ENTPD1: variants seen among roughly 807,000 people sequenced by gnomAD.
The protein encoded by ENTPD1 is ectonucleoside triphosphate diphosphohydrolase 1.
In ENTPD1, 33 loss-of-function variants were observed where a neutral mutation model predicts 57.0. The observed-to-expected ratio is 0.58, with a 90% CI of 0.44 to 0.77. ENTPD1 has a LOEUF of 0.77. Among genes scored for constraint, ENTPD1 ranks in the 30% least tolerant of loss-of-function variants. The probability of loss-of-function intolerance (pLI) is 0.00; values close to 1 mark genes in which losing one functional copy is unlikely to be tolerated. For missense variants in ENTPD1, 501 were observed against 603.4 expected (o/e 0.83, Z 1.78); for synonymous variants, 202 against 218.8 (o/e 0.92, Z 0.68).
intron 1 of ENTPD1, among the ~76,000 whole-genome samples, chr10:95,728,477 A>G (rs572140010): frequency 6.6e-6 from 1 of 152,222 alleles, no homozygotes; most frequent in Non-Finnish European, 1.5e-5. Context: ...TATGGTACAT[A>G]TCAAGCAATT....
At chr10:95,695,419 T>G in the ENTPD1 span, among the ~76,000 whole-genome samples, 1 of 152,222 alleles carries the variant, frequency 6.6e-6, no homozygotes, top group African/African-American at 2.4e-5. Flanking sequence ...TCTAGTACAC[T>G]TACCTAAAAT....
At chr10:95,802,904 A>C (rs887395607) in intron 1 of ENTPD1, among the ~76,000 whole-genome samples, 1 of 152,156 alleles carries the variant, frequency 6.6e-6, no homozygotes. Context: ...ATAGTGCCGC[A>C]ATAAACATAC....
In ENTPD1 at chr10:95,736,007, T is replaced by TTG. The variant is rs1198975898; in HGVS notation, c.37+24015_37+24016insGT. 3.9e-4 allele frequency among the ~76,000 whole-genome samples: 59 copies of TTG among 150,412 alleles called. 1 individual carries two copies. The highest frequency in any genetic ancestry group is 5.3e-4 in the Non-Finnish European group (36 of 67,354). ...ATTTTAGAACATTTTCAAAGTTTTT[T>TTG]TTTTTTTTTTTGAGACAGAGTCTCA... On this transcript the variant is annotated intron_variant, in intron 1 of 9. Transcript: ENST00000453258.
At chr10:95,856,399 T>C (rs970370139) in intron 7 of ENTPD1, among the ~76,000 whole-genome samples, 2 of 152,134 alleles carry the variant, frequency 1.3e-5, no homozygotes, top group South Asian at 2.1e-4. Flanking sequence ...CTGGTGGGAA[T>C]GTAAACCAGT....
intron 6 of ENTPD1, among the ~76,000 whole-genome samples, chr10:95,846,924 G>A (rs1486887898): frequency 2.6e-5 from 4 of 152,054 alleles, no homozygotes; most frequent in African/African-American, 4.8e-5. Context: ...GGGAGGCTGA[G>A]GTTGCAGTGA....
chr10:95,836,473 T>C (rs569274985), intron 2 of ENTPD1, among the ~76,000 whole-genome samples: 4 of 152,234 alleles, frequency 2.6e-5, no homozygotes, highest in Non-Finnish European at 5.9e-5. Context: ...ATAAGTGATA[T>C]TTAAGAAACT....
chr10:95,775,155 T>G (rs1388803288), intron 1 of ENTPD1, among the ~76,000 whole-genome samples: 1 of 152,194 alleles, frequency 6.6e-6, no homozygotes, highest in African/African-American at 2.4e-5. Context: ...TAAGAATGCT[T>G]GTGATTTTCG....
In ENTPD1 at chr10:95,845,512, C is replaced by T; in HGVS notation, c.729C>T (p.Gly243=). ...PDNALQFRLY[G]KDYNVYTHSF... ...ATGCTCTGCAATTTCGCCTCTATGG[C>T]AAGGACTACAATGTCTACACACATA... Residue 243 remains glycine, a synonymous_variant, in exon 6 of 10, where the codon GGC becomes GGT. Transcript: ENST00000371205. 6.2e-7 allele frequency: 1 copy of T among 1,614,192 alleles called. No homozygotes were observed. Among genetic ancestry groups the T allele is most frequent in the Non-Finnish European group, 8.5e-7 (1 of 1,180,022 alleles).
chr10:95,827,272 T>A (rs991473693), intron 2 of ENTPD1, among the ~76,000 whole-genome samples: 21 of 151,848 alleles, frequency 1.4e-4, no homozygotes, highest in Non-Finnish European at 2.9e-4. Flanking sequence ...GCCAACATAG[T>A]GAAATCCCGT....
At chr10:95,819,555 C>T (rs1427924191) in intron 1 of ENTPD1, among the ~76,000 whole-genome samples, 1 of 152,122 alleles carries the variant, frequency 6.6e-6, no homozygotes, top group African/African-American at 2.4e-5. Context: ...CCTTTGCTTC[C>T]TTTGATTCTT....
In ENTPD1 at chr10:95,864,706, C is replaced by T; in HGVS notation, c.1189-18C>T. The T allele has an allele frequency of 6.2e-7, 1 of 1,613,986 alleles. No individual in the cohort carries two copies. The highest frequency in any genetic ancestry group is 8.5e-7 in the Non-Finnish European group (1 of 1,179,960). On this transcript the variant is annotated intron_variant, in intron 8 of 9. Coordinates refer to ENST00000371205, the MANE Select transcript of ENTPD1 (RefSeq NM_001776.6). ...TGCCTATCATACGAGTATGATCTCC[C>T]CCTCACTTCACTTCTAGATAAAAAC...
chr10:95,831,207 C>G (rs757287668), intron 2 of ENTPD1, among the ~76,000 whole-genome samples: 4 of 152,138 alleles, frequency 2.6e-5, no homozygotes, highest in Non-Finnish European at 5.9e-5. Context: ...GGCCACAAGC[C>G]TCTGTTGGTG....
At position 95,871,269 on chromosome 10, in the gene ENTPD1, TG is replaced by T. The variant is rs1220341167; in HGVS notation, c.*4887del. ...ATGTCTTATTAACTGAAATATAAAA[TG>T]TGTTTACTGTAAAATATAATCTGTT... On this transcript the variant is annotated 3_prime_UTR_variant, in exon 10 of 10. Transcript: ENST00000371205. 1 of 984,554 alleles carries T rather than the reference TG, an allele frequency of 1.0e-6. No individual in the cohort carries two copies. The highest frequency in any genetic ancestry group is 1.7e-5 in the African/African-American group (1 of 57,220). 61.0% of individuals were successfully genotyped at this position (984,554 alleles called of 1,614,324 possible).
Position 95,867,551 on chromosome 10 carries a change from T to C in ENTPD1, c.*1168T>C. 5 of 985,436 alleles carry C rather than the reference T, an allele frequency of 5.1e-6. No individual in the cohort carries two copies. The highest frequency in any genetic ancestry group is 6.0e-6 in the Non-Finnish European group (5 of 829,934). The allele number at this position is 985,436 out of a possible 1,614,324, so 61.0% of individuals were successfully genotyped here. On this transcript the variant is annotated 3_prime_UTR_variant, in exon 10 of 10. Transcript: ENST00000371205. ...TTTGCCCTATCGTGGAATTTACACA[T>C]CAGAATGTGCAGGATCCAAGTCTGA... is the stretch of plus-strand genomic sequence containing the variant.
intron 1 of ENTPD1, among the ~76,000 whole-genome samples, chr10:95,758,876 C>T (rs1298667443): frequency 2.0e-5 from 3 of 152,212 alleles, no homozygotes; most frequent in Non-Finnish European, 2.9e-5. Flanking sequence ...GTTAAGGTGT[C>T]AGGTTTCAAT....
chr10:95,860,637 A>G, intron 8 of ENTPD1, 55 bp downstream of exon 8: 1 of 1,470,118 alleles, frequency 6.8e-7, no homozygotes, highest in Admixed American at 1.7e-5. Flanking sequence ...GTCGTTGCTG[A>G]TGCAGAGGAT....
chr10:95,867,261 AT>A lies in ENTPD1; in HGVS notation c.*879del, dbSNP rs1418087856. 1.0e-6 allele frequency: 1 copy of A among 974,218 alleles called. No individual in the cohort carries two copies. The highest frequency in any genetic ancestry group is 1.2e-6 in the Non-Finnish European group (1 of 819,890). The allele number at this position is 974,218 out of a possible 1,614,324, so 60.3% of individuals were successfully genotyped here. A position where few individuals can be genotyped will look rare whatever the true frequency, so the allele number is the denominator to read the frequency against. ...CATTTTAACATTTAATTCATATTAAATACGTACAAATCAGTGACATTTAGTA... is the reference window on the plus strand; with the variant it reads ...CATTTTAACATTTAATTCATATTAAAACGTACAAATCAGTGACATTTAGTA... On this transcript the variant is annotated 3_prime_UTR_variant, in exon 10 of 10. Coordinates refer to ENST00000371205, the MANE Select transcript of ENTPD1 (RefSeq NM_001776.6).
intron 1 of ENTPD1, among the ~76,000 whole-genome samples, chr10:95,789,801 C>A (rs2098195791): frequency 6.6e-6 from 1 of 152,144 alleles, no homozygotes. Context: ...AGTATTAAGT[C>A]ATAACTGCAT....
At chr10:95,739,503 C>G (rs2097998005) in intron 1 of ENTPD1, among the ~76,000 whole-genome samples, 1 of 152,196 alleles carries the variant, frequency 6.6e-6, no homozygotes, top group South Asian at 2.1e-4. Context: ...TTTGCTTATC[C>G]ATAAGAAGCA....
Sources: allele counts gnomAD v4.1 joint callset (sites outside exome capture counted in the v4.1 genomes callset), GRCh38; gene constraint gnomAD v4.1.1; transcripts MANE v1.5; gene names NCBI Gene and HGNC (gene_info 2026-07-23, HGNC 2026-07-21).